PPARGC1A: variants seen among roughly 807,000 people sequenced by gnomAD.
The protein encoded by PPARGC1A is peroxisome proliferator-activated receptor gamma coactivator 1-alpha.
A neutral mutation model predicts 88.7 loss-of-function variants in PPARGC1A; 25 were observed. The observed-to-expected ratio is 0.28, with a 90% CI of 0.21 to 0.39. The LOEUF (loss-of-function observed/expected upper bound fraction) is 0.39. Ranked by LOEUF, PPARGC1A falls within the 10% of genes least tolerant of loss-of-function variation. The pLI is 1.00. For missense variants in PPARGC1A, 880 were observed against 968.7 expected (o/e 0.91, Z 1.22); for synonymous variants, 363 against 355.6 (o/e 1.02, Z -0.24).
the PPARGC1A span, among the ~76,000 whole-genome samples, chr4:24,250,683 A>G: frequency 1.3e-5 from 2 of 152,182 alleles, no homozygotes; most frequent in South Asian, 2.1e-4. Context: ...TCCAAATAGC[A>G]CAGGTCTCAG....
At chr4:24,243,872 C>T in the PPARGC1A span, among the ~76,000 whole-genome samples, 8 of 152,146 alleles carry the variant, frequency 5.3e-5, no homozygotes, top group African/African-American at 1.9e-4. Context: ...AGAAAACAGA[C>T]TTAACATTTG....
At chr4:24,328,438 G>C in the PPARGC1A span, among the ~76,000 whole-genome samples, 6 of 152,120 alleles carry the variant, frequency 3.9e-5, no homozygotes, top group Admixed American at 3.9e-4. Flanking sequence ...GGGAATGTCA[G>C]TTCCCATTAA....
chr4:23,844,640 TATC>T (rs1245556227), intron 2 of PPARGC1A, among the ~76,000 whole-genome samples: 1 of 35,088 alleles, frequency 2.8e-5, no homozygotes, highest in Non-Finnish European at 4.5e-5. Context: ...TAATAATATA[TATC>T]ATATTATATG....
At chr4:23,856,630 G>A (rs1055478606) in intron 2 of PPARGC1A, among the ~76,000 whole-genome samples, 1 of 152,094 alleles carries the variant, frequency 6.6e-6, no homozygotes, top group Non-Finnish European at 1.5e-5. Context: ...ATCCCAATTT[G>A]GTCATTTCTC....
At chr4:24,103,547 G>A in the PPARGC1A span, among the ~76,000 whole-genome samples, 72 of 142,392 alleles carry the variant, frequency 5.1e-4, no homozygotes, top group Admixed American at 2.0e-3. Flanking sequence ...GGTCCAATGA[G>A]TACTCACAAA....
chr4:24,359,678 A>G, the PPARGC1A span, among the ~76,000 whole-genome samples: 1 of 152,224 alleles, frequency 6.6e-6, no homozygotes, highest in African/African-American at 2.4e-5. Context: ...TGTCCTTATC[A>G]GAAGAGGGAA....
the PPARGC1A span, among the ~76,000 whole-genome samples, chr4:24,462,184 G>C: frequency 0.31 from 46,340 of 151,646 alleles, 9,845 homozygotes; most frequent in African/African-American, 0.6. Flanking sequence ...CTCCCCAGTT[G>C]AAGCAATTCT....
chr4:24,273,209 G>C, the PPARGC1A span, among the ~76,000 whole-genome samples: 1 of 152,200 alleles, frequency 6.6e-6, no homozygotes, highest in Non-Finnish European at 1.5e-5. Flanking sequence ...GGAGCTGCTT[G>C]AGAAGAATAA....
the PPARGC1A span, among the ~76,000 whole-genome samples, chr4:24,141,197 G>A: frequency 6.6e-6 from 1 of 152,204 alleles, no homozygotes; most frequent in East Asian, 1.9e-4. Flanking sequence ...AAGACAAAAT[G>A]ATGCCTTCTA....
chr4:24,109,606 C>A, the PPARGC1A span, among the ~76,000 whole-genome samples: 1 of 152,118 alleles, frequency 6.6e-6, no homozygotes, highest in African/African-American at 2.4e-5. Flanking sequence ...TTAGAGTCTC[C>A]ATCAATTACA....
the PPARGC1A span, among the ~76,000 whole-genome samples, chr4:24,127,628 C>T: frequency 1.3e-5 from 2 of 151,924 alleles, no homozygotes; most frequent in Non-Finnish European, 1.5e-5. Flanking sequence ...AATTTAACCC[C>T]CTAAGTTCCA....
the PPARGC1A span, among the ~76,000 whole-genome samples, chr4:24,107,530 C>T: frequency 1.3e-5 from 2 of 152,200 alleles, no homozygotes; most frequent in African/African-American, 4.8e-5. Flanking sequence ...TTCTCTTTCA[C>T]ATCTTCTTTA....
At chr4:24,145,583 G>A in the PPARGC1A span, among the ~76,000 whole-genome samples, 1 of 152,172 alleles carries the variant, frequency 6.6e-6, no homozygotes, top group Non-Finnish European at 1.5e-5. Context: ...GGAAATACAA[G>A]GATTGTCCTT....
At chr4:24,394,922 G>C in the PPARGC1A span, among the ~76,000 whole-genome samples, 2 of 152,164 alleles carry the variant, frequency 1.3e-5, no homozygotes, top group Non-Finnish European at 2.9e-5. Flanking sequence ...TATAGAGCTT[G>C]GGAGTTAATT....
chr4:24,161,934 C>T, the PPARGC1A span, among the ~76,000 whole-genome samples: 1 of 150,290 alleles, frequency 6.7e-6, no homozygotes, highest in Non-Finnish European at 1.5e-5. Flanking sequence ...ATGCCCATCT[C>T]AATGAGTGAA....
At chr4:23,868,549 C>A (rs921164372) in intron 2 of PPARGC1A, among the ~76,000 whole-genome samples, 1 of 152,142 alleles carries the variant, frequency 6.6e-6, no homozygotes, top group Admixed American at 6.5e-5. Context: ...GTGATGAGGT[C>A]CCTCTTTCCC....
At chr4:24,007,217 G>GCT in the PPARGC1A span, among the ~76,000 whole-genome samples, 1 of 151,960 alleles carries the variant, frequency 6.6e-6, no homozygotes, top group Non-Finnish European at 1.5e-5. Flanking sequence ...TGCCCATCTC[G>GCT]CTCTCTCTCT....
rs1245473896 is a variant in PPARGC1A at position 23,814,526 on chromosome 4, A to G, written c.957T>C (p.Ser319=). ...ATGGTGGTGGCACCACAGTCTTGCA[A>G]GAGGACTTCAGCTTTGGAGAAGCCC... ...PFRASPKLKS[S]CKTVVPPPSK... is the part of the protein sequence containing the mutation. The change falls in exon 8 of 13, where the codon TCT becomes TCC. Residue 319 remains serine (S), a synonymous_variant. Transcript: ENST00000264867. 1.9e-6 allele frequency: 3 copies of G among 1,613,566 alleles called. No individual in the cohort carries two copies. The highest frequency in any genetic ancestry group is 2.5e-6 in the Non-Finnish European group (3 of 1,179,824).
At chr4:23,927,285 T>C in the PPARGC1A span, among the ~76,000 whole-genome samples, 1 of 152,182 alleles carries the variant, frequency 6.6e-6, no homozygotes, top group Non-Finnish European at 1.5e-5. Context: ...TTTTACACCA[T>C]CATAAAGTCA....
Sources: gnomAD v4.1 joint callset for allele counts (sites outside exome capture counted in the v4.1 genomes callset) on GRCh38, gnomAD v4.1.1 for gene constraint, MANE v1.5 for transcripts, NCBI Gene and HGNC (gene_info 2026-07-23, HGNC 2026-07-21) for gene names.